CCDC148: variants seen among roughly 807,000 people sequenced by gnomAD.
The protein encoded by CCDC148 is coiled-coil domain-containing protein 148.
CCDC148 carries 89 observed loss-of-function variants against 85.7 expected under a neutral mutation model. That is an observed-to-expected ratio of 1.04 (90% CI 0.87 to 1.24). CCDC148 has a LOEUF of 1.24. CCDC148 is among the 50% of genes most tolerant of loss of function. The pLI is 0.00. For missense variants in CCDC148, 692 were observed against 671.7 expected (o/e 1.03, Z -0.33); for synonymous variants, 230 against 213.9 (o/e 1.08, Z -0.66).
At chr2:158,193,165 C>T (rs1685499873) in intron 11 of CCDC148, among the ~76,000 whole-genome samples, 3 of 152,102 alleles carry the variant, frequency 2.0e-5, no homozygotes, top group Admixed American at 1.3e-4. Flanking sequence ...CTATCCTGTG[C>T]CTGGATTCTA....
At chr2:158,331,044 C>T (rs903947592) in intron 7 of CCDC148, among the ~76,000 whole-genome samples, 1 of 152,150 alleles carries the variant, frequency 6.6e-6, no homozygotes, top group African/African-American at 2.4e-5. Flanking sequence ...TTCTCGCCTT[C>T]TGCTAGCTTT....
chr2:158,284,670 G>C (rs1397705934), intron 9 of CCDC148, among the ~76,000 whole-genome samples: 1 of 152,180 alleles, frequency 6.6e-6, no homozygotes, highest in Admixed American at 6.5e-5. Context: ...GAATACGGCA[G>C]AAGGATGCAG....
chr2:158,438,498 G>T (rs1352851951), intron 1 of CCDC148, among the ~76,000 whole-genome samples: 1 of 152,100 alleles, frequency 6.6e-6, no homozygotes, highest in Admixed American at 6.6e-5. Flanking sequence ...AGACTTGAAG[G>T]TTAGACCTAA....
intron 9 of CCDC148, among the ~76,000 whole-genome samples, chr2:158,308,258 C>A (rs1252548141): frequency 6.6e-6 from 1 of 152,150 alleles, no homozygotes; most frequent in Non-Finnish European, 1.5e-5. Context: ...TTCAGCATAG[C>A]TCAACAGTTA....
intron 9 of CCDC148, among the ~76,000 whole-genome samples, chr2:158,294,937 A>AT (rs1192563267): frequency 2.6e-5 from 4 of 151,912 alleles, no homozygotes; most frequent in Admixed American, 1.3e-4. Context: ...ACATGATCAG[A>AT]TTTTTTAGTT....
chr2:158,287,789 T>C (rs535584508), intron 9 of CCDC148, among the ~76,000 whole-genome samples: 3 of 152,362 alleles, frequency 2.0e-5, no homozygotes, highest in South Asian at 2.1e-4. Flanking sequence ...TGCAGGATGA[T>C]GACCCTTTTC....
At chr2:158,249,209 C>G (rs1426740333) in intron 10 of CCDC148, among the ~76,000 whole-genome samples, 1 of 152,112 alleles carries the variant, frequency 6.6e-6, no homozygotes, top group Non-Finnish European at 1.5e-5. Context: ...CTTCATATGA[C>G]ATTTAAGTTG....
At chr2:158,234,112 G>A (rs915431591) in intron 10 of CCDC148, among the ~76,000 whole-genome samples, 5 of 151,984 alleles carry the variant, frequency 3.3e-5, no homozygotes, top group African/African-American at 7.3e-5. Context: ...GGAGACAGAG[G>A]TTGTAGCGGG....
chr2:158,381,919 C>G lies in CCDC148; in HGVS notation c.26-23349G>C, dbSNP rs887145201. ...TGAATGTTGGTGTTTCATGCCCCCA[C>G]CCCCTGGCTAAATTCATATGCTGAA... On this transcript the variant is annotated intron_variant, in intron 1 of 13. Coordinates refer to ENST00000283233, the MANE Select transcript of CCDC148 (RefSeq NM_138803.4). Among the ~76,000 whole-genome samples the G allele has an allele frequency of 5.3e-5, 8 of 152,192 alleles. No individual in the cohort carries two copies. The East Asian group carries it at 1.4e-3, about 26-fold the overall frequency.
At chr2:158,361,737 C>T (rs1683956577) in intron 1 of CCDC148, among the ~76,000 whole-genome samples, 1 of 152,104 alleles carries the variant, frequency 6.6e-6, no homozygotes, top group Non-Finnish European at 1.5e-5. Flanking sequence ...ATTGTAAAGA[C>T]CATCAGCACT....
intron 1 of CCDC148, chr2:158,447,191 T>C (rs998816754): frequency 3.9e-5 from 6 of 152,170 alleles, no homozygotes; most frequent in Non-Finnish European, 8.8e-5. Context: ...CTACATTGCA[T>C]AGACGGGCGT....
intron 11 of CCDC148, among the ~76,000 whole-genome samples, chr2:158,188,214 G>A (rs1288973592): frequency 6.6e-6 from 1 of 151,882 alleles, no homozygotes; most frequent in Non-Finnish European, 1.5e-5. Flanking sequence ...ATTTTAGCCT[G>A]CAATATTTAT....
chr2:158,195,589 T>TAGCTCTG (rs1685633159), intron 11 of CCDC148, among the ~76,000 whole-genome samples: 1 of 152,294 alleles, frequency 6.6e-6, no homozygotes, highest in Non-Finnish European at 1.5e-5. Context: ...CCATTGTCCC[T>TAGCTCTG]AGCTCAGAGC....
At chr2:158,225,730 A>T (rs1349563477) in intron 10 of CCDC148, among the ~76,000 whole-genome samples, 2 of 152,248 alleles carry the variant, frequency 1.3e-5, no homozygotes, top group South Asian at 2.1e-4. Context: ...AAATGAAGGC[A>T]GAAATAAAGA....
chr2:158,330,345 C>T (rs1693032000), intron 7 of CCDC148, among the ~76,000 whole-genome samples: 2 of 152,090 alleles, frequency 1.3e-5, no homozygotes, highest in Non-Finnish European at 2.9e-5. Context: ...GCCTTGCATC[C>T]CAGGGATGAA....
intron 11 of CCDC148, among the ~76,000 whole-genome samples, chr2:158,203,403 T>C (rs1457622657): frequency 2.6e-5 from 4 of 152,212 alleles, no homozygotes; most frequent in Admixed American, 6.5e-5. Flanking sequence ...TGAACCACGA[T>C]GTTTGGGCAT....
At chr2:158,410,013 A>G (rs1281506106) in intron 1 of CCDC148, among the ~76,000 whole-genome samples, 1 of 152,138 alleles carries the variant, frequency 6.6e-6, no homozygotes, top group Non-Finnish European at 1.5e-5. Context: ...CATGATTGTG[A>G]GGCATCCCCA....
intron 9 of CCDC148, among the ~76,000 whole-genome samples, chr2:158,261,547 G>A (rs1260306333): frequency 6.6e-6 from 1 of 151,860 alleles, no homozygotes; most frequent in Non-Finnish European, 1.5e-5. Flanking sequence ...AGAGCTTCTA[G>A]ACAGCAAAAG....
At chr2:158,310,178 C>T (rs561354457) in intron 8 of CCDC148, among the ~76,000 whole-genome samples, 5 of 152,232 alleles carry the variant, frequency 3.3e-5, no homozygotes, top group Admixed American at 2.0e-4. Flanking sequence ...CATCTTGCAC[C>T]GCCCTTAATC....
Sources: gnomAD v4.1 joint callset for allele counts (sites outside exome capture counted in the v4.1 genomes callset) on GRCh38, gnomAD v4.1.1 for gene constraint, MANE v1.5 for transcripts, NCBI Gene and HGNC (gene_info 2026-07-23, HGNC 2026-07-21) for gene names.